The following WWOX variants were observed in gnomAD, a reference collection of about 807,000 sequenced individuals.
The protein encoded by WWOX is WW domain-containing oxidoreductase.
In WWOX, 69 loss-of-function variants were observed where a neutral mutation model predicts 46.2. That is an observed-to-expected ratio of 1.49 (90% CI 1.23 to 1.82). The LOEUF (loss-of-function observed/expected upper bound fraction) is 1.82, where lower values mean the gene tolerates loss of function less well. WWOX is among the 40% of genes most tolerant of loss of function. The pLI, the probability that WWOX is intolerant of heterozygous loss-of-function variation, is 0.00. For synonymous variants in WWOX, 359 were observed against 202.6 expected (o/e 1.77, Z -6.56); for missense variants, 919 against 542.6 (o/e 1.69, Z -6.89).
At chr16:78,187,275 G>C (rs2035739477) in intron 5 of WWOX, among the ~76,000 whole-genome samples, 1 of 152,150 alleles carries the variant, frequency 6.6e-6, no homozygotes, top group African/African-American at 2.4e-5. Context: ...TTTGCAAGAG[G>C]TGCCAGGTGG....
intron 8 of WWOX, among the ~76,000 whole-genome samples, chr16:78,708,491 CTG>C (rs1435789449): frequency 6.6e-6 from 1 of 152,172 alleles, no homozygotes; most frequent in Non-Finnish European, 1.5e-5. Flanking sequence ...GGAAATGACT[CTG>C]TATCAAGCGT....
chr16:78,431,224 G>T (rs908562912), intron 7 of WWOX, among the ~76,000 whole-genome samples: 1 of 152,212 alleles, frequency 6.6e-6, no homozygotes, highest in African/African-American at 2.4e-5. Flanking sequence ...TAGTTACGTT[G>T]ATTTGTGTAC....
chr16:78,499,792 A>G (rs1462905439), intron 8 of WWOX, among the ~76,000 whole-genome samples: 1 of 152,192 alleles, frequency 6.6e-6, no homozygotes, highest in African/African-American at 2.4e-5. Context: ...TTTGTAAGAA[A>G]TCGAGGCCAA....
intron 8 of WWOX, among the ~76,000 whole-genome samples, chr16:79,132,071 A>G (rs932372112): frequency 1.3e-5 from 2 of 151,864 alleles, no homozygotes; most frequent in African/African-American, 2.4e-5. Flanking sequence ...ACAAGATGAG[A>G]TTTGGGTGGG....
At chr16:79,011,459 T>TTTTATTTATTTATTTATTTA (rs56691445) in intron 8 of WWOX, among the ~76,000 whole-genome samples, 1 of 131,978 alleles carries the variant, frequency 7.6e-6, no homozygotes, top group African/African-American at 2.9e-5. Flanking sequence ...TTATTTTTTA[T>TTTTATTTATTTATTTATTTA]TTTATTTATT....
At chr16:78,870,163 C>T (rs148322937) in intron 8 of WWOX, among the ~76,000 whole-genome samples, 1,608 of 152,264 alleles carry the variant, frequency 0.011, 23 homozygotes, top group Middle Eastern at 0.017. Flanking sequence ...AATTGCTTTC[C>T]GTCTCCTAAC....
At chr16:78,299,204 T>G (rs962419747) in intron 5 of WWOX, among the ~76,000 whole-genome samples, 1 of 152,194 alleles carries the variant, frequency 6.6e-6, no homozygotes, top group African/African-American at 2.4e-5. Context: ...TAGCGTGAAG[T>G]GGAGGCTATT....
At chr16:79,003,659 G>C (rs1172617700) in intron 8 of WWOX, among the ~76,000 whole-genome samples, 1 of 152,138 alleles carries the variant, frequency 6.6e-6, no homozygotes, top group African/African-American at 2.4e-5. Context: ...TAGCAGGGCA[G>C]GGAGGGCTCA....
chr16:78,573,833 A>G (rs1814504440), intron 8 of WWOX, among the ~76,000 whole-genome samples: 1 of 152,182 alleles, frequency 6.6e-6, no homozygotes, highest in Non-Finnish European at 1.5e-5. Flanking sequence ...TATTCTTGCT[A>G]CATAAATTAA....
intron 6 of WWOX, among the ~76,000 whole-genome samples, chr16:78,407,380 C>T (rs2082572844): frequency 1.3e-5 from 2 of 152,184 alleles, no homozygotes; most frequent in South Asian, 2.1e-4. Flanking sequence ...TAACATTCCA[C>T]TCAGCTCATT....
chr16:78,681,371 A>G (rs1460961863), intron 8 of WWOX, among the ~76,000 whole-genome samples: 2 of 152,190 alleles, frequency 1.3e-5, no homozygotes, highest in African/African-American at 2.4e-5. Flanking sequence ...GCCACTATAC[A>G]TCAGTCTGGG....
intron 8 of WWOX, among the ~76,000 whole-genome samples, chr16:78,612,794 C>T (rs1040816340): frequency 1.3e-5 from 2 of 152,138 alleles, no homozygotes; most frequent in African/African-American, 4.8e-5. Flanking sequence ...ATTTTTTCAC[C>T]TACAAAATGA....
chr16:78,930,270 T>TTCCTTCCTTCCTTCCTTCCTTCCTTC (rs2045593627), intron 8 of WWOX, among the ~76,000 whole-genome samples: 2 of 54,708 alleles, frequency 3.7e-5, no homozygotes, highest in Non-Finnish European at 7.6e-5. Flanking sequence ...TTCCTTCCTT[T>TTCCTTCCTTCCTTCCTTCCTTCCTTC]CTCTCTTTCT....
chr16:78,782,213 G>A (rs562466461), intron 8 of WWOX, among the ~76,000 whole-genome samples: 12 of 152,148 alleles, frequency 7.9e-5, no homozygotes, highest in Non-Finnish European at 1.3e-4. Context: ...TATCCCTTCC[G>A]ATTGACCCCA....
intron 4 of WWOX, among the ~76,000 whole-genome samples, chr16:78,157,270 C>T (rs907059601): frequency 1.3e-5 from 2 of 152,136 alleles, no homozygotes; most frequent in Non-Finnish European, 2.9e-5. Context: ...TCTCATTAGC[C>T]TGATTGATGG....
intron 8 of WWOX, among the ~76,000 whole-genome samples, chr16:78,971,279 C>G (rs934897777): frequency 6.6e-6 from 1 of 151,618 alleles, no homozygotes; most frequent in African/African-American, 2.4e-5. Context: ...GCCTGGCCAA[C>G]ATGGTGAAAT....
chr16:79,089,557 C>G (rs1470974464), intron 8 of WWOX, among the ~76,000 whole-genome samples: 1 of 152,026 alleles, frequency 6.6e-6, no homozygotes, highest in East Asian at 1.9e-4. Flanking sequence ...GTCTCGAACT[C>G]CTGACCTCAT....
intron 8 of WWOX, among the ~76,000 whole-genome samples, chr16:78,445,893 G>A (rs1277048927): frequency 1.4e-5 from 2 of 141,020 alleles, no homozygotes; most frequent in Admixed American, 7.0e-5. Context: ...GGGGGGCAGG[G>A]CAGGGGAGGG....
intron 6 of WWOX, among the ~76,000 whole-genome samples, chr16:78,399,833 G>A (rs2082370493): frequency 6.6e-6 from 1 of 152,168 alleles, no homozygotes; most frequent in African/African-American, 2.4e-5. Context: ...AAACCACACT[G>A]AAATCACATT....
Sources: gnomAD v4.1 joint callset for allele counts (sites outside exome capture counted in the v4.1 genomes callset) on GRCh38, gnomAD v4.1.1 for gene constraint, MANE v1.5 for transcripts, NCBI Gene and HGNC (gene_info 2026-07-23, HGNC 2026-07-21) for gene names.